The following TBC1D9 variants were observed in gnomAD, a reference collection of about 807,000 sequenced individuals.
The protein encoded by TBC1D9 is TBC1 domain family member 9.
Under a neutral mutation model 132.0 loss-of-function variants are expected in TBC1D9, and 63 were observed. The ratio of observed to expected loss-of-function variants is 0.48; its 90% CI spans 0.39 to 0.59. The LOEUF (loss-of-function observed/expected upper bound fraction) is 0.59, where lower values mean the gene tolerates loss of function less well. TBC1D9 is among the 20% of genes least tolerant of loss of function. The pLI is 0.00. For missense variants in TBC1D9, 1,261 were observed against 1,592.7 expected (o/e 0.79, Z 3.54); for synonymous variants, 610 against 609.9 (o/e 1.00, Z 0.00).
intron 16 of TBC1D9, among the ~76,000 whole-genome samples, chr4:140,630,947 G>A (rs1736784812): frequency 6.6e-6 from 1 of 152,214 alleles, no homozygotes; most frequent in African/African-American, 2.4e-5. Flanking sequence ...AAATAAGGAT[G>A]CAACTGCAAA....
At chr4:140,630,747 C>T (rs140190450) in intron 16 of TBC1D9, among the ~76,000 whole-genome samples, 5 of 152,286 alleles carry the variant, frequency 3.3e-5, no homozygotes, top group Admixed American at 6.5e-5. Flanking sequence ...ATCTCTTCTA[C>T]CTTCATGTGG....
chr4:140,696,455 CAAAAAAAAAAAAAA>C (rs35713619), intron 2 of TBC1D9, among the ~76,000 whole-genome samples: 1 of 61,576 alleles, frequency 1.6e-5, no homozygotes, highest in Non-Finnish European at 2.8e-5. Context: ...GAGTCCGTCT[CAAAAAAAAAAAAAA>C]AAAAAAAAAA....
chr4:140,643,525 C>T (rs2110982047), intron 13 of TBC1D9: 2 of 873,760 alleles, frequency 2.3e-6, no homozygotes, highest in Non-Finnish European at 3.7e-6. Flanking sequence ...CACTCTCCCT[C>T]CCCGGCGGGC....
chr4:140,742,169 C>T (rs1272409642), intron 1 of TBC1D9, among the ~76,000 whole-genome samples: 1 of 152,090 alleles, frequency 6.6e-6, no homozygotes, highest in African/African-American at 2.4e-5. Context: ...TTTTCATCAA[C>T]AAAGCTAACA....
At chr4:140,676,513 C>T (rs1737626992) in intron 6 of TBC1D9, among the ~76,000 whole-genome samples, 1 of 152,100 alleles carries the variant, frequency 6.6e-6, no homozygotes, top group African/African-American at 2.4e-5. Context: ...ATTAGCTGGG[C>T]ATGGTGGCAG....
chr4:140,698,236 G>A (rs1354135245), intron 2 of TBC1D9, among the ~76,000 whole-genome samples: 1 of 152,106 alleles, frequency 6.6e-6, no homozygotes, highest in Admixed American at 6.5e-5. Context: ...TCTTCCAGGA[G>A]CCTAGGTTAC....
chr4:140,698,836 C>T (rs528868576), intron 2 of TBC1D9, among the ~76,000 whole-genome samples: 1 of 152,248 alleles, frequency 6.6e-6, no homozygotes, highest in East Asian at 1.9e-4. Flanking sequence ...TTGCCAGCAG[C>T]CTGAAATCAC....
chr4:140,750,903 T>C (rs1262195699), intron 1 of TBC1D9, among the ~76,000 whole-genome samples: 2 of 152,056 alleles, frequency 1.3e-5, no homozygotes, highest in Non-Finnish European at 2.9e-5. Flanking sequence ...GCTATACAAA[T>C]TCGGTTTGCT....
At chr4:140,629,408 T>C (rs1049867938) in intron 16 of TBC1D9, among the ~76,000 whole-genome samples, 1 of 152,192 alleles carries the variant, frequency 6.6e-6, no homozygotes, top group African/African-American at 2.4e-5. Context: ...GACTCAAAAA[T>C]GGTTTAGAAC....
intron 20 of TBC1D9, among the ~76,000 whole-genome samples, chr4:140,623,559 G>A (rs965559713): frequency 1.3e-5 from 2 of 151,666 alleles, no homozygotes; most frequent in Non-Finnish European, 2.9e-5. Context: ...CTATTTTCAC[G>A]TCTACACACT....
chr4:140,696,875 T>G (rs1468459675), intron 2 of TBC1D9, among the ~76,000 whole-genome samples: 1 of 152,236 alleles, frequency 6.6e-6, no homozygotes, highest in Non-Finnish European at 1.5e-5. Context: ...TATAGCAATA[T>G]TTCATAAAAT....
chr4:140,721,338 T>G (rs1210402888), intron 1 of TBC1D9, among the ~76,000 whole-genome samples: 1 of 152,218 alleles, frequency 6.6e-6, no homozygotes, highest in Non-Finnish European at 1.5e-5. Context: ...AATCACTTTA[T>G]GTGCATTTTC....
At chr4:140,634,230 C>A in intron 15 of TBC1D9, 42 bp from the exon 16 acceptor site, 2 of 1,591,992 alleles carry the variant, frequency 1.3e-6, no homozygotes, top group South Asian at 1.1e-5. Context: ...TCTTTTGCAG[C>A]AAATACCAGA....
At chr4:140,659,339 C>T (rs1737323508) in intron 11 of TBC1D9, 1 of 301,548 alleles carries the variant, frequency 3.3e-6, no homozygotes. Context: ...CAGAGTGACA[C>T]ACACACATGA....
intron 2 of TBC1D9, among the ~76,000 whole-genome samples, chr4:140,695,658 C>T (rs1737943964): frequency 6.6e-6 from 1 of 152,158 alleles, no homozygotes; most frequent in Admixed American, 6.6e-5. Flanking sequence ...ATAACCAACC[C>T]TTCTTACTGT....
At chr4:140,755,420 T>G (rs1738992801) in intron 1 of TBC1D9, among the ~76,000 whole-genome samples, 1 of 152,204 alleles carries the variant, frequency 6.6e-6, no homozygotes, top group Admixed American at 6.5e-5. Flanking sequence ...GTATTCATTC[T>G]CTTCGGTCAT....
intron 2 of TBC1D9, among the ~76,000 whole-genome samples, chr4:140,695,486 A>G (rs576105334): frequency 6.6e-6 from 1 of 152,286 alleles, no homozygotes; most frequent in Non-Finnish European, 1.5e-5. Flanking sequence ...GCTTTCCTTT[A>G]TTAGCCCTTT....
At chr4:140,742,746 C>T (rs1738779349) in intron 1 of TBC1D9, among the ~76,000 whole-genome samples, 3 of 151,986 alleles carry the variant, frequency 2.0e-5, no homozygotes, top group African/African-American at 4.8e-5. Context: ...GAAAAGGTGA[C>T]CCCTCCTCCT....
chr4:140,729,768 C>T (rs1388407032), intron 1 of TBC1D9, among the ~76,000 whole-genome samples: 5 of 118,762 alleles, frequency 4.2e-5, no homozygotes, highest in African/African-American at 1.7e-4. Context: ...TGCAATGAGC[C>T]GAGATTGCAC....
Sources: allele counts gnomAD v4.1 joint callset (sites outside exome capture counted in the v4.1 genomes callset), GRCh38; gene constraint gnomAD v4.1.1; transcripts MANE v1.5; gene names NCBI Gene and HGNC (gene_info 2026-07-23, HGNC 2026-07-21).